The following SATB2 variants were observed in gnomAD, a reference collection of about 807,000 sequenced individuals.
The protein encoded by SATB2 is DNA-binding protein SATB2.
In SATB2, 1 loss-of-function variant was observed where a neutral mutation model predicts 73.4. The observed-to-expected ratio is 0.01, with a 90% CI of 0.00 to 0.06. SATB2 has a LOEUF of 0.06. Among genes scored for constraint, SATB2 ranks in the 10% least tolerant of loss-of-function variants. SATB2 has a pLI of 1.00. For synonymous variants in SATB2, 397 were observed against 367.0 expected (o/e 1.08, Z -0.93); for missense variants, 459 against 945.8 (o/e 0.49, Z 6.75).
At chr2:199,334,224 CTTTAGAAACA>C (rs2105803570) in intron 7 of SATB2, among the ~76,000 whole-genome samples, 1 of 152,260 alleles carries the variant, frequency 6.6e-6, no homozygotes, top group African/African-American at 2.4e-5. Context: ...CTGAGCACTT[CTTTAGAAACA>C]TTTGGACTAG....
At chr2:199,445,773 G>T (rs561830004) in intron 2 of SATB2, among the ~76,000 whole-genome samples, 2 of 152,174 alleles carry the variant, frequency 1.3e-5, no homozygotes, top group South Asian at 2.1e-4. Flanking sequence ...AAGGGTTTGG[G>T]GTGTTCTAAT....
intron 10 of SATB2, among the ~76,000 whole-genome samples, chr2:199,297,645 G>C (rs1299646150): frequency 1.3e-5 from 2 of 152,128 alleles, no homozygotes; most frequent in Admixed American, 1.3e-4. Flanking sequence ...ATCTGCTAAT[G>C]GGGGAGATGC....
chr2:199,423,869 G>A (rs1335232074), intron 3 of SATB2: 1 of 152,122 alleles, frequency 6.6e-6, no homozygotes, highest in Admixed American at 6.5e-5. Context: ...AATGTTCTAG[G>A]AGATTTTCAG....
chr2:199,369,928 T>C (rs1377623181), intron 5 of SATB2, among the ~76,000 whole-genome samples: 2 of 152,128 alleles, frequency 1.3e-5, no homozygotes, highest in South Asian at 2.1e-4. Context: ...CCCTCCCCAG[T>C]TGCTGATCTA....
Position 199,462,940 on chromosome 2 carries a change from G to A in SATB2, c.-141+1896C>T, listed in dbSNP as rs748485172. ...AAGGTCGGCCCAGGAGCTGCCTCAGGCGAGGACGGGGAGCTTTCTGCACTG... is the reference window on the plus strand; with the variant it reads ...AAGGTCGGCCCAGGAGCTGCCTCAGACGAGGACGGGGAGCTTTCTGCACTG... On this transcript the variant is annotated intron_variant, in intron 1 of 11. Transcript: ENST00000260926. The surrounding 1 kb of genome is among the most constrained non-coding windows in gnomAD (Gnocchi z 5.9). 1.7e-4 allele frequency among the ~76,000 whole-genome samples: 26 copies of A among 152,234 alleles called. No homozygotes were observed. Among genetic ancestry groups the A allele is most frequent in the Non-Finnish European group, 2.9e-4 (20 of 68,034 alleles).
rs367748469 is a variant in SATB2, at chr2:199,369,139, C to T, written c.598-432G>A. Among the ~76,000 whole-genome samples the T allele has an allele frequency of 2.0e-5, 3 of 152,176 alleles. No individual in the cohort carries two copies. In the East Asian group the frequency reaches 5.8e-4, roughly 29 times the overall value. ...ATCCGTGCTACACACTGCAGAACAACATTTAGGGAAATAAGTTAAATTAAT... is the reference window on the plus strand; with the variant it reads ...ATCCGTGCTACACACTGCAGAACAATATTTAGGGAAATAAGTTAAATTAAT... On this transcript the variant is annotated intron_variant, in intron 5 of 10. Transcript: ENST00000417098.
chr2:199,434,341 T>C (rs1435676234), intron 2 of SATB2, among the ~76,000 whole-genome samples: 2 of 152,230 alleles, frequency 1.3e-5, no homozygotes, highest in African/African-American at 4.8e-5. Flanking sequence ...ATTAGTCTAG[T>C]TGAAAATCTG....
chr2:199,401,390 CA>C (rs996488879), intron 3 of SATB2, among the ~76,000 whole-genome samples: 77 of 141,220 alleles, frequency 5.5e-4, no homozygotes, highest in Non-Finnish European at 4.0e-4. Context: ...TACTAAAATA[CA>C]AAAAAAAAAA....
intron 5 of SATB2, among the ~76,000 whole-genome samples, chr2:199,369,291 C>A (rs955069944): frequency 6.6e-6 from 1 of 151,982 alleles, no homozygotes; most frequent in Non-Finnish European, 1.5e-5. Context: ...AAAAATGAAC[C>A]AAAGCTCAAA....
chr2:199,364,020 C>G (rs927890980), intron 6 of SATB2, among the ~76,000 whole-genome samples: 1 of 152,134 alleles, frequency 6.6e-6, no homozygotes, highest in Non-Finnish European at 1.5e-5. Flanking sequence ...GCAGAAGGAC[C>G]AGGAGTTGAT....
chr2:199,307,908 ACTTT>A (rs1270894877), intron 10 of SATB2, among the ~76,000 whole-genome samples: 1 of 152,022 alleles, frequency 6.6e-6, no homozygotes, highest in African/African-American at 2.4e-5. Context: ...TCCTGCCTCA[ACTTT>A]CTTTTTCTTA....
intron 2 of SATB2, among the ~76,000 whole-genome samples, chr2:199,454,807 A>G (rs1457455652): frequency 6.6e-6 from 1 of 152,224 alleles, no homozygotes. Context: ...GTAAGTAACT[A>G]TTTTGAAATA....
At chr2:199,447,556 C>T (rs1443799933) in intron 2 of SATB2, among the ~76,000 whole-genome samples, 2 of 152,074 alleles carry the variant, frequency 1.3e-5, no homozygotes, top group Non-Finnish European at 2.9e-5. Flanking sequence ...TTACTTCTGA[C>T]TTCCATTTAC....
chr2:199,270,363 GT>G lies in SATB2; in HGVS notation c.*1847del, dbSNP rs201780110. 486 of 149,298 alleles carry G rather than the reference GT, an allele frequency of 3.3e-3. 1 individual carries two copies. The highest frequency in any genetic ancestry group is 4.7e-3 in the African/African-American group (189 of 40,618). The allele number at this position is 149,298 out of a possible 1,614,324, so 9.2% of individuals were successfully genotyped here. On this transcript the variant is annotated 3_prime_UTR_variant, in exon 11 of 11. Transcript: ENST00000417098. ...TCTGAGTTAATATCTACACATAGAG[GT>G]TTTTTTTTTAACTCCTACCTTTTAT... is the stretch of plus-strand genomic sequence containing the variant.
At chr2:199,379,682 CT>C (rs71015899) in intron 5 of SATB2, among the ~76,000 whole-genome samples, 67,461 of 108,160 alleles carry the variant, frequency 0.62, 21,867 homozygotes, top group Non-Finnish European at 0.7. Context: ...CTTTTCTTTT[CT>C]TTTTTTTTTT....
chr2:199,366,125 T>C (rs1423890275), intron 6 of SATB2, among the ~76,000 whole-genome samples: 1 of 152,096 alleles, frequency 6.6e-6, no homozygotes, highest in Non-Finnish European at 1.5e-5. Context: ...GAATAGTGCA[T>C]AGAAGTGCAT....
At chr2:199,403,337 G>T (rs772622639) in intron 3 of SATB2, among the ~76,000 whole-genome samples, 1 of 151,714 alleles carries the variant, frequency 6.6e-6, no homozygotes, top group Non-Finnish European at 1.5e-5. Flanking sequence ...ATTGTATATT[G>T]TTGTATAATA....
chr2:199,442,340 C>T (rs989328968), intron 2 of SATB2, among the ~76,000 whole-genome samples: 2 of 152,132 alleles, frequency 1.3e-5, no homozygotes, highest in Non-Finnish European at 2.9e-5. Flanking sequence ...CAGATCACAG[C>T]GCTGTGCGTG....
At chr2:199,323,275 C>T (rs1398071163) in intron 9 of SATB2, among the ~76,000 whole-genome samples, 4 of 152,072 alleles carry the variant, frequency 2.6e-5, no homozygotes, top group Non-Finnish European at 5.9e-5. Flanking sequence ...ACTCCCCCCA[C>T]GTGTGTTTTC....
Sources: gnomAD v4.1 joint callset for allele counts (sites outside exome capture counted in the v4.1 genomes callset) on GRCh38, gnomAD v4.1.1 for gene constraint, Gnocchi (gnomAD v3.1) non-coding constraint, MANE v1.5 for transcripts, NCBI Gene and HGNC (gene_info 2026-07-23, HGNC 2026-07-21) for gene names.